The following SIPA1L2 variants were observed in gnomAD, a reference collection of about 807,000 sequenced individuals.
SIPA1L2 encodes the protein signal-induced proliferation-associated 1-like protein 2.
A neutral mutation model predicts 163.9 loss-of-function variants in SIPA1L2; 56 were observed. The ratio of observed to expected loss-of-function variants is 0.34; its 90% CI spans 0.28 to 0.43. The LOEUF is 0.43. SIPA1L2 is among the 20% of genes least tolerant of loss of function. SIPA1L2 has a pLI of 1.00. For synonymous variants in SIPA1L2, 877 were observed against 865.7 expected (o/e 1.01, Z -0.23); for missense variants, 1,974 against 2,193.5 (o/e 0.90, Z 2.00).
At chr1:232,464,718 G>T in intron 9 of SIPA1L2, 122 bp downstream of exon 9, 1 of 809,904 alleles carries the variant, frequency 1.2e-6, no homozygotes, top group Non-Finnish European at 1.9e-6. Flanking sequence ...CTCTGTATCT[G>T]TAACAAATAG....
chr1:232,499,523 G>A (rs1666359210), intron 3 of SIPA1L2, among the ~76,000 whole-genome samples: 1 of 152,234 alleles, frequency 6.6e-6, no homozygotes, highest in Admixed American at 6.5e-5. Flanking sequence ...TGAGGAAGGT[G>A]CAGAAGAAAA....
At position 232,462,244 on chromosome 1, in the gene SIPA1L2, C is replaced by T. The variant is rs767548279; in HGVS notation, c.2821-1083G>A. On this transcript the variant is annotated intron_variant, in intron 9 of 22. Transcript: ENST00000674635. ...AAAAACATGGGCTCATTAAGTATCA[C>T]CCGATGACTATGACCTCACCTATCT... is the stretch of plus-strand genomic sequence containing the variant. 6 of 1,550,938 alleles carry T rather than the reference C, an allele frequency of 3.9e-6. No individual in the cohort carries two copies. The South Asian group carries it at 4.8e-5, about 12-fold the overall frequency.
chr1:232,431,937 G>A (rs1008266908), intron 16 of SIPA1L2, among the ~76,000 whole-genome samples: 1 of 152,142 alleles, frequency 6.6e-6, no homozygotes, highest in African/African-American at 2.4e-5. Flanking sequence ...AATTTGAACT[G>A]CCTTTGACCT....
At chr1:232,425,829 G>C (rs749640828) in intron 17 of SIPA1L2, 21 bp from the exon 18 acceptor site, 2 of 1,604,698 alleles carry the variant, frequency 1.2e-6, no homozygotes, top group African/African-American at 2.7e-5. Context: ...AACAAGGTGC[G>C]AGGAGGGAAC....
At chr1:232,497,464 A>G (rs1666257164) in intron 3 of SIPA1L2, among the ~76,000 whole-genome samples, 1 of 152,104 alleles carries the variant, frequency 6.6e-6, no homozygotes, top group South Asian at 2.1e-4. Flanking sequence ...GACAGTACCT[A>G]TTCCTCAAGT....
intron 1 of SIPA1L2, among the ~76,000 whole-genome samples, chr1:232,599,440 C>A (rs1342474826): frequency 1.3e-5 from 2 of 152,188 alleles, no homozygotes; most frequent in African/African-American, 4.8e-5. Context: ...GAACAGTGGC[C>A]AAGGGCAAAT....
chr1:232,460,034 A>G (rs533664562), intron 10 of SIPA1L2, among the ~76,000 whole-genome samples: 4 of 152,088 alleles, frequency 2.6e-5, no homozygotes, highest in Non-Finnish European at 5.9e-5. Flanking sequence ...TGTCTCTCAA[A>G]AGCCAGAGCT....
intron 2 of SIPA1L2, among the ~76,000 whole-genome samples, chr1:232,567,372 C>CT (rs757512466): frequency 2.0e-5 from 3 of 152,108 alleles, no homozygotes; most frequent in Non-Finnish European, 4.4e-5. Context: ...TAAAGTGTGT[C>CT]TTGTGTGATC....
chr1:232,462,736 C>G (rs906075203), intron 9 of SIPA1L2, among the ~76,000 whole-genome samples: 9 of 152,166 alleles, frequency 5.9e-5, no homozygotes, highest in African/African-American at 2.2e-4. Context: ...AAGATGTACC[C>G]AGCCTTCTTT....
chr1:232,577,984 C>T (rs1016136036), intron 1 of SIPA1L2, among the ~76,000 whole-genome samples: 2 of 151,952 alleles, frequency 1.3e-5, no homozygotes, highest in East Asian at 1.9e-4. Flanking sequence ...AAGGAAGAGC[C>T]GATTGATGTG....
chr1:232,433,631 G>A (rs1662379457), intron 15 of SIPA1L2, among the ~76,000 whole-genome samples: 1 of 152,072 alleles, frequency 6.6e-6, no homozygotes, highest in South Asian at 2.1e-4. Flanking sequence ...ACCCACCCCC[G>A]GCTGACTGAG....
intron 1 of SIPA1L2, among the ~76,000 whole-genome samples, chr1:232,625,741 A>G (rs1367238242): frequency 6.6e-6 from 1 of 152,222 alleles, no homozygotes; most frequent in African/African-American, 2.4e-5. Flanking sequence ...GAATTTGAAT[A>G]AACAAGCAGA....
At chr1:232,536,617 G>A (rs1262839193) in intron 2 of SIPA1L2, among the ~76,000 whole-genome samples, 2 of 152,068 alleles carry the variant, frequency 1.3e-5, no homozygotes, top group East Asian at 1.9e-4. Context: ...ATCTGTCAAC[G>A]GACTGGTGAA....
intron 1 of SIPA1L2, among the ~76,000 whole-genome samples, chr1:232,604,426 T>TTCAA (rs1661780753): frequency 6.6e-6 from 1 of 152,208 alleles, no homozygotes; most frequent in Non-Finnish European, 1.5e-5. Flanking sequence ...GTAACTATAG[T>TTCAA]TTACTGTGCA....
intron 2 of SIPA1L2, among the ~76,000 whole-genome samples, chr1:232,554,733 C>G (rs1658600920): frequency 1.3e-5 from 2 of 152,224 alleles, no homozygotes; most frequent in Non-Finnish European, 2.9e-5. Flanking sequence ...GGCCTTGCAG[C>G]TGTTGTGCTG....
intron 3 of SIPA1L2, among the ~76,000 whole-genome samples, chr1:232,496,107 T>C (rs1207726607): frequency 2.0e-5 from 3 of 152,244 alleles, no homozygotes; most frequent in Non-Finnish European, 4.4e-5. Flanking sequence ...ACTCAATCAC[T>C]GACTCACGCA....
chr1:232,616,924 T>C (rs1662528311), intron 1 of SIPA1L2, among the ~76,000 whole-genome samples: 1 of 152,226 alleles, frequency 6.6e-6, no homozygotes, highest in East Asian at 1.9e-4. Flanking sequence ...AGGTTTTCAT[T>C]TTGCCAGCCA....
intron 2 of SIPA1L2, among the ~76,000 whole-genome samples, chr1:232,523,515 T>C (rs1223860250): frequency 6.6e-6 from 1 of 152,204 alleles, no homozygotes; most frequent in Non-Finnish European, 1.5e-5. Flanking sequence ...GAATTTCTAC[T>C]TAATGTCAAC....
intron 2 of SIPA1L2, among the ~76,000 whole-genome samples, chr1:232,535,823 C>T (rs1657271095): frequency 6.6e-6 from 1 of 152,104 alleles, no homozygotes; most frequent in African/African-American, 2.4e-5. Flanking sequence ...AAAAAATTGG[C>T]ATTAGTCATT....
Sources: gnomAD v4.1 joint callset for allele counts (sites outside exome capture counted in the v4.1 genomes callset) on GRCh38, gnomAD v4.1.1 for gene constraint, MANE v1.5 for transcripts, NCBI Gene and HGNC (gene_info 2026-07-23, HGNC 2026-07-21) for gene names.